The following PRKN variants were observed in gnomAD, a reference collection of about 807,000 sequenced individuals.
PRKN encodes the protein parkin RBR E3 ubiquitin protein ligase.
A neutral mutation model predicts 59.5 loss-of-function variants in PRKN; 56 were observed. The ratio of observed to expected loss-of-function variants is 0.94; its 90% CI spans 0.76 to 1.18. The LOEUF (loss-of-function observed/expected upper bound fraction) is 1.18. Among genes scored for constraint, PRKN ranks in the 50% most tolerant of loss-of-function variants. The pLI is 0.00. For missense variants in PRKN, 657 were observed against 596.4 expected, an observed-to-expected ratio of 1.10 and a Z score of -1.06; for synonymous variants, 250 against 222.1, an observed-to-expected ratio of 1.13 and a Z score of -1.12.
chr6:161,712,806 A>C (rs1009301523), intron 7 of PRKN, among the ~76,000 whole-genome samples: 5 of 152,148 alleles, frequency 3.3e-5, no homozygotes, highest in African/African-American at 1.2e-4. Context: ...CAAAAACAAA[A>C]ACAAACTGTT....
Position 161,407,756 on chromosome 6 carries a change from T to A in PRKN, c.1084-20879A>T, listed in dbSNP as rs188012013. Among the ~76,000 whole-genome samples the A allele has an allele frequency of 5.9e-4, 90 of 152,260 alleles. 1 individual carries two copies. In the South Asian group the frequency reaches 0.018, roughly 30 times the overall value. ...AACAGCCAGCTCCTGCCATAACTGA[T>A]TGACCAACCTTATGACATTCCACCA... On this transcript the variant is annotated intron_variant, in intron 9 of 11. Transcript: ENST00000366898. This position sits in a 1 kb window ranked among gnomAD's most constrained non-coding sequence, Gnocchi z 4.9.
intron 7 of PRKN, among the ~76,000 whole-genome samples, chr6:161,586,642 T>A (rs1260681040): frequency 6.6e-6 from 1 of 152,254 alleles, no homozygotes; most frequent in Non-Finnish European, 1.5e-5. Context: ...GGGTAGAATA[T>A]CCTTGCATTC....
At chr6:162,600,321 C>A (rs531951262) in intron 1 of PRKN, among the ~76,000 whole-genome samples, 2 of 152,150 alleles carry the variant, frequency 1.3e-5, no homozygotes, top group African/African-American at 2.4e-5. Flanking sequence ...TTTTTAATTA[C>A]AGACTAATAA....
At chr6:161,734,067 C>T (rs971570793) in intron 7 of PRKN, among the ~76,000 whole-genome samples, 2 of 149,982 alleles carry the variant, frequency 1.3e-5, no homozygotes, top group African/African-American at 4.9e-5. Context: ...GGAAAGTTTC[C>T]CTAAAGTTCA....
At chr6:162,480,297 T>C (rs754033411) in intron 1 of PRKN, among the ~76,000 whole-genome samples, 3 of 152,152 alleles carry the variant, frequency 2.0e-5, no homozygotes, top group Admixed American at 6.5e-5. Context: ...TTCAGCTCCA[T>C]GACAATCTTA....
chr6:161,606,844 C>G (rs1230751247), intron 7 of PRKN, among the ~76,000 whole-genome samples: 2 of 152,192 alleles, frequency 1.3e-5, no homozygotes, highest in Admixed American at 6.5e-5. Context: ...ATCCCACCCC[C>G]CAGCCTATGA....
intron 5 of PRKN, among the ~76,000 whole-genome samples, chr6:162,035,633 T>G (rs1449255831): frequency 6.6e-6 from 1 of 152,162 alleles, no homozygotes; most frequent in Non-Finnish European, 1.5e-5. Context: ...TTTGGAGAAT[T>G]TACTATAGCA....
chr6:162,230,278 T>G (rs1350001229), intron 3 of PRKN, among the ~76,000 whole-genome samples: 1 of 152,252 alleles, frequency 6.6e-6, no homozygotes, highest in African/African-American at 2.4e-5. Context: ...TCTGTTGGCA[T>G]GAGCCAAGAA....
intron 6 of PRKN, among the ~76,000 whole-genome samples, chr6:161,829,906 T>C (rs528544970): frequency 6.6e-6 from 1 of 150,590 alleles, no homozygotes; most frequent in South Asian, 2.1e-4. Context: ...ATATAACATA[T>C]GTAGCAAGTG....
rs1237181296 is a variant in PRKN at position 161,356,895 on chromosome 6, G to T, written c.1285+3193C>A. Among the ~76,000 whole-genome samples the T allele has an allele frequency of 6.6e-6, 1 of 151,386 alleles. No individual in the cohort carries two copies. The highest frequency in any genetic ancestry group is 1.5e-5 in the Non-Finnish European group (1 of 67,822). On this transcript the variant is annotated intron_variant, in intron 11 of 11. Transcript: ENST00000366898. This position sits in a 1 kb window ranked among gnomAD's most constrained non-coding sequence, Gnocchi z 7.8. ...TAGATTTGGGAGCCATCAGTATGTGGATAGTATTTAAGGCCACAAGACTGG... is the reference window on the plus strand; with the variant it reads ...TAGATTTGGGAGCCATCAGTATGTGTATAGTATTTAAGGCCACAAGACTGG...
At chr6:161,751,316 C>T (rs1375715519) in intron 7 of PRKN, among the ~76,000 whole-genome samples, 1 of 152,152 alleles carries the variant, frequency 6.6e-6, no homozygotes, top group Non-Finnish European at 1.5e-5. Context: ...ATGATTCTTC[C>T]TTCACATTTC....
At chr6:162,548,800 G>GCAATCATCT (rs1476298807) in intron 1 of PRKN, among the ~76,000 whole-genome samples, 1 of 152,096 alleles carries the variant, frequency 6.6e-6, no homozygotes, top group East Asian at 1.9e-4. Flanking sequence ...ATTTCCTGTG[G>GCAATCATCT]CAATCATCTC....
intron 4 of PRKN, among the ~76,000 whole-genome samples, chr6:162,147,711 C>T (rs1782089667): frequency 1.3e-5 from 2 of 151,924 alleles, no homozygotes; most frequent in South Asian, 4.2e-4. Context: ...AGGGTACTTC[C>T]AAACACAATT....
intron 1 of PRKN, among the ~76,000 whole-genome samples, chr6:162,584,250 A>C (rs76265640): frequency 0.31 from 34,215 of 111,236 alleles, 4,744 homozygotes; most frequent in East Asian, 0.45. Context: ...AAAAAACAAA[A>C]AAAAAAAAAA....
At chr6:161,739,277 G>T (rs372944192) in intron 7 of PRKN, among the ~76,000 whole-genome samples, 4 of 152,074 alleles carry the variant, frequency 2.6e-5, no homozygotes, top group Non-Finnish European at 5.9e-5. Context: ...GTATGGTGGC[G>T]TATGCATGTA....
At chr6:161,840,488 G>A (rs891564206) in intron 6 of PRKN, among the ~76,000 whole-genome samples, 2 of 152,180 alleles carry the variant, frequency 1.3e-5, no homozygotes, top group African/African-American at 4.8e-5. Context: ...AGGATGTGCA[G>A]GTTTGTTACA....
intron 7 of PRKN, among the ~76,000 whole-genome samples, chr6:161,634,416 A>T (rs1454449598): frequency 6.6e-6 from 1 of 152,182 alleles, no homozygotes; most frequent in Admixed American, 6.5e-5. Context: ...GTGGCAACTC[A>T]TGTAATCCCC....
intron 9 of PRKN, among the ~76,000 whole-genome samples, chr6:161,469,359 A>G (rs1311852337): frequency 2.0e-5 from 3 of 152,196 alleles, no homozygotes; most frequent in African/African-American, 4.8e-5. Context: ...AGGCCTCCCT[A>G]GCCATACAGA....
chr6:161,723,570 A>T (rs1269935427), intron 7 of PRKN, among the ~76,000 whole-genome samples: 2 of 152,160 alleles, frequency 1.3e-5, no homozygotes, highest in Non-Finnish European at 2.9e-5. Context: ...GCAGCCCTAG[A>T]GGTTGAAGTT....
Sources: gnomAD v4.1 joint callset for allele counts (sites outside exome capture counted in the v4.1 genomes callset) on GRCh38, gnomAD v4.1.1 for gene constraint, Gnocchi (gnomAD v3.1) non-coding constraint, MANE v1.5 for transcripts, NCBI Gene and HGNC (gene_info 2026-07-23, HGNC 2026-07-21) for gene names.